The following KCNN3 variants were observed in gnomAD, a reference collection of about 807,000 sequenced individuals.
The protein encoded by KCNN3 is small conductance calcium-activated potassium channel protein 3.
KCNN3 carries 16 observed loss-of-function variants against 62.9 expected under a neutral mutation model. The ratio of observed to expected loss-of-function variants is 0.25; its 90% confidence interval spans 0.17 to 0.39. The LOEUF is 0.39. Among genes scored for constraint, KCNN3 ranks in the 10% least tolerant of loss-of-function variants. KCNN3 has a pLI of 1.00. For missense variants in KCNN3, 599 were observed against 949.4 expected, an observed-to-expected ratio of 0.63 and a Z score of 4.85; for synonymous variants, 370 against 389.2, an observed-to-expected ratio of 0.95 and a Z score of 0.58.
chr1:154,863,564 C>T (rs184526616), intron 1 of KCNN3, among the ~76,000 whole-genome samples: 2 of 152,316 alleles, frequency 1.3e-5, no homozygotes, highest in Admixed American at 1.3e-4. Flanking sequence ...TGCAACAGAG[C>T]TGAAGCGCTC....
chr1:154,764,885 A>G lies in KCNN3; in HGVS notation c.1448+7090T>C, dbSNP rs1458683149. 2.6e-5 allele frequency among the ~76,000 whole-genome samples: 4 copies of G among 152,196 alleles called. No individual in the cohort carries two copies. In the South Asian group the frequency reaches 6.2e-4, roughly 24 times the overall value. On this transcript the variant is annotated intron_variant, in intron 3 of 7. Coordinates refer to ENST00000271915, the MANE Select transcript of KCNN3 (RefSeq NM_002249.6). Reference sequence around the variant, plus strand: ...ATTATTAAGATCTTAATTGTGATTCAGTCTTTGGTCAACTGGCAAACGAGT... The same window carrying G: ...ATTATTAAGATCTTAATTGTGATTCGGTCTTTGGTCAACTGGCAAACGAGT...
Position 154,862,055 on chromosome 1 carries a change from A to G in KCNN3, c.933+6977T>C, listed in dbSNP as rs1652791094. On this transcript the variant is annotated intron_variant, in intron 1 of 7. Transcript: ENST00000271915. The surrounding 1 kb of genome is among the most constrained non-coding windows in gnomAD (Gnocchi z 4.1). ...CAGGAAAATGGGACTCAAGAATGAAAAAGAAACTTCTAGAACCAGGAATGG... is the reference window on the plus strand; with the variant it reads ...CAGGAAAATGGGACTCAAGAATGAAGAAGAAACTTCTAGAACCAGGAATGG... Among the ~76,000 whole-genome samples the G allele has an allele frequency of 1.3e-5, 2 of 152,352 alleles. No individual in the cohort carries two copies. The highest frequency in any genetic ancestry group is 4.1e-4 in the South Asian group (2 of 4,826).
chr1:154,758,557 G>A (rs1388779487), intron 3 of KCNN3, among the ~76,000 whole-genome samples: 2 of 152,210 alleles, frequency 1.3e-5, no homozygotes, highest in Non-Finnish European at 1.5e-5. Context: ...GACCAGGTGT[G>A]TTAGGGCCAG....
chr1:154,852,497 A>G (rs12084791), intron 1 of KCNN3, among the ~76,000 whole-genome samples: 28,499 of 151,926 alleles, frequency 0.19, 3,394 homozygotes, highest in Non-Finnish European at 0.28. Flanking sequence ...TACAGGTGTC[A>G]GCCACCATGC....
At position 154,869,965 on chromosome 1, in the gene KCNN3, C is replaced by T; in HGVS notation, c.-1G>A. On this transcript the variant is annotated 5_prime_UTR_variant, in exon 1 of 8. Coordinates refer to ENST00000271915, the MANE Select transcript of KCNN3 (RefSeq NM_002249.6). The surrounding 1 kb of genome is among the most constrained non-coding windows in gnomAD (Gnocchi z 6.1). Reference sequence around the variant, plus strand: ...CATGGAAGTGCCCAGAAGTGTCCATCTTGGGGCCTGGCTGTATTCCCTGCA... The same window carrying T: ...CATGGAAGTGCCCAGAAGTGTCCATTTTGGGGCCTGGCTGTATTCCCTGCA... The T allele has an allele frequency of 5.0e-6, 8 of 1,610,712 alleles. No individual in the cohort carries two copies. Among genetic ancestry groups the T allele is most frequent in the Non-Finnish European group, 6.8e-6 (8 of 1,178,482 alleles).
intron 2 of KCNN3, among the ~76,000 whole-genome samples, chr1:154,820,578 C>G (rs760241325): frequency 2.8e-4 from 43 of 152,314 alleles, no homozygotes; most frequent in Non-Finnish European, 4.7e-4. Flanking sequence ...GCCCGGAGCC[C>G]AGACTGTCAA....
intron 1 of KCNN3, among the ~76,000 whole-genome samples, chr1:154,837,538 C>G (rs924467034): frequency 6.6e-6 from 1 of 152,070 alleles, no homozygotes; most frequent in Non-Finnish European, 1.5e-5. Context: ...GCTCTGGGCC[C>G]GAGAGCACAG....
At chr1:154,812,935 G>T (rs1270560098) in intron 2 of KCNN3, among the ~76,000 whole-genome samples, 1 of 152,180 alleles carries the variant, frequency 6.6e-6, no homozygotes, top group Non-Finnish European at 1.5e-5. Flanking sequence ...ACCAAAAACC[G>T]CTCACAGCCA....
At chr1:154,804,872 TG>T (rs1405006328) in intron 2 of KCNN3, among the ~76,000 whole-genome samples, 16 of 152,166 alleles carry the variant, frequency 1.1e-4, no homozygotes, top group Non-Finnish European at 7.3e-5. Flanking sequence ...CCAGGCAGTC[TG>T]GCTCCAGAGT....
At chr1:154,853,103 C>T (rs2101925085) in intron 1 of KCNN3, among the ~76,000 whole-genome samples, 1 of 152,256 alleles carries the variant, frequency 6.6e-6, no homozygotes, top group African/African-American at 2.4e-5. Context: ...GATCTTCCCA[C>T]CCCAGCCACC....
intron 6 of KCNN3, 132 bp downstream of exon 6, chr1:154,714,744 A>T: frequency 7.8e-7 from 1 of 1,285,798 alleles, no homozygotes; most frequent in Non-Finnish European, 1.1e-6. Flanking sequence ...TCAGTGAGTG[A>T]TCAGACCCAG....
intron 3 of KCNN3, among the ~76,000 whole-genome samples, chr1:154,767,525 G>A (rs1320413671): frequency 1.3e-5 from 2 of 152,244 alleles, no homozygotes; most frequent in Non-Finnish European, 2.9e-5. Context: ...ACAAAGGTGA[G>A]CTGGCAGGCC....
At chr1:154,822,418 G>A (rs1650941128) in intron 1 of KCNN3, among the ~76,000 whole-genome samples, 2 of 152,218 alleles carry the variant, frequency 1.3e-5, no homozygotes, top group Admixed American at 6.5e-5. Context: ...CTCGGGCTAA[G>A]TCGTATTTGC....
chr1:154,751,942 C>T (rs1233296442), intron 3 of KCNN3, among the ~76,000 whole-genome samples: 1 of 152,120 alleles, frequency 6.6e-6, no homozygotes, highest in East Asian at 1.9e-4. Context: ...CCACAGAAGG[C>T]AAAATGAAAG....
intron 2 of KCNN3, among the ~76,000 whole-genome samples, chr1:154,811,811 G>A (rs917465889): frequency 6.6e-6 from 1 of 152,194 alleles, no homozygotes; most frequent in Non-Finnish European, 1.5e-5. Flanking sequence ...AACAACACTT[G>A]TATAGAAGCC....
rs1188052930 is a variant in KCNN3, at chr1:154,705,235, G to A, written c.*2741C>T. 1 of 152,210 alleles carries A rather than the reference G, an allele frequency of 6.6e-6. No individual in the cohort carries two copies. The highest frequency in any genetic ancestry group is 1.5e-5 in the Non-Finnish European group (1 of 68,032). 9.4% of individuals were successfully genotyped at this position (152,210 alleles called of 1,614,324 possible). ...CAAAAGATGTAGGAAGAAAACTTGGGTGAGCTACACCCAGAATAATTAATA... is the reference window on the plus strand; with the variant it reads ...CAAAAGATGTAGGAAGAAAACTTGGATGAGCTACACCCAGAATAATTAATA... On this transcript the variant is annotated 3_prime_UTR_variant, in exon 8 of 8. Coordinates refer to ENST00000271915, the MANE Select transcript of KCNN3 (RefSeq NM_002249.6).
In KCNN3 at chr1:154,699,054, T is replaced by C. The variant is rs984158307; in HGVS notation, c.*8922A>G. 6 of 152,144 alleles carry C rather than the reference T, an allele frequency of 3.9e-5. No individual in the cohort carries two copies. Among genetic ancestry groups the C allele is most frequent in the Admixed American group, 1.3e-4 (2 of 15,272 alleles). The allele number at this position is 152,144 out of a possible 1,614,324, so 9.4% of individuals were successfully genotyped here. ...TACAAAATCACTTTAACCACTCTTA[T>C]TTATGCATTACCACCAAGGGAAAAC... is the stretch of plus-strand genomic sequence containing the variant. On this transcript the variant is annotated 3_prime_UTR_variant, in exon 8 of 8. Transcript: ENST00000271915.
At chr1:154,736,037 G>A (rs1700705507) in intron 3 of KCNN3, among the ~76,000 whole-genome samples, 1 of 152,166 alleles carries the variant, frequency 6.6e-6, no homozygotes, top group Admixed American at 6.5e-5. Context: ...AAGAAATGTG[G>A]TTGAGGCAGT....
chr1:154,869,479 C>T lies in KCNN3; in HGVS notation c.486G>A (p.Val162=), dbSNP rs958234152. The change falls in exon 1 of 8, where the codon GTG becomes GTA. Residue 162 remains valine (V), a synonymous_variant. Transcript: ENST00000271915. The surrounding 1 kb of genome is among the most constrained non-coding windows in gnomAD (Gnocchi z 6.1). The stretch of plus-strand genomic sequence containing the variant: ...TGAAGGGGTTGCTGTCCCGCCGGTG[C>T]ACCAGGGGGCTGGCCTGTCGGTGCC... ...GSRHRQASPL[V]HRRDSNPFTE... is the part of the protein sequence containing the mutation. The T allele has an allele frequency of 6.2e-7, 1 of 1,614,120 alleles. No homozygotes were observed. The highest frequency in any genetic ancestry group is 1.7e-5 in the Admixed American group (1 of 60,026).
Sources: allele counts gnomAD v4.1 joint callset (sites outside exome capture counted in the v4.1 genomes callset), GRCh38; gene constraint gnomAD v4.1.1; non-coding constraint Gnocchi (gnomAD v3.1); transcripts MANE v1.5; gene names NCBI Gene and HGNC (gene_info 2026-07-23, HGNC 2026-07-21).